CTBP2: variants seen among roughly 807,000 people sequenced by gnomAD.
CTBP2 encodes C-terminal-binding protein 2.
CTBP2 carries 30 observed loss-of-function variants against 80.3 expected under a neutral mutation model. That is an observed-to-expected ratio of 0.37 (90% confidence interval 0.28 to 0.51). CTBP2 has a LOEUF of 0.51. CTBP2 is among the 20% of genes least tolerant of loss of function. The probability of loss-of-function intolerance (pLI) is 0.93; values close to 1 mark genes in which losing one functional copy is unlikely to be tolerated. For missense variants in CTBP2, 1,212 were observed against 1,375.3 expected, an observed-to-expected ratio of 0.88 and a Z score of 1.88; for synonymous variants, 594 against 587.4, an observed-to-expected ratio of 1.01 and a Z score of -0.16.
chr10:125,026,331 TGGGGCCTGGGTGAAGGGGGTTTGA>T lies in CTBP2; in HGVS notation c.1405_1428del (p.Ser469_Pro476del), dbSNP rs796201026. On this transcript the variant is annotated inframe_deletion, in exon 1 of 9. Coordinates refer to ENST00000309035, the MANE Select transcript of CTBP2 (RefSeq NM_022802.3). ...GTGTATGCCGTGGAGTAGGCTGTTC[TGGGGCCTGGGTGAAGGGGGTTTGA>T]GGGGCCCGGGTTAGTCAAGGCCACC... 7 of 1,613,858 alleles carry T rather than the reference TGGGGCCTGGGTGAAGGGGGTTTGA, an allele frequency of 4.3e-6. No homozygotes were observed. In the African/African-American group the frequency reaches 9.3e-5, roughly 22 times the overall value.
chr10:124,999,980 TAGG>T (rs1954223683), intron 3 of CTBP2: 1 of 152,226 alleles, frequency 6.6e-6, no homozygotes, highest in Non-Finnish European at 1.5e-5. Flanking sequence ...CACCTCCTCC[TAGG>T]AGATGAGCTG....
chr10:125,145,480 G>A (rs1858593344), intron 1 of CTBP2, among the ~76,000 whole-genome samples: 1 of 152,180 alleles, frequency 6.6e-6, no homozygotes, highest in Non-Finnish European at 1.5e-5. Flanking sequence ...AAAGGTATCT[G>A]CTGTCCCTTG....
intron 2 of CTBP2, among the ~76,000 whole-genome samples, chr10:125,045,991 T>C (rs1446793285): frequency 6.6e-6 from 1 of 152,056 alleles, no homozygotes; most frequent in Non-Finnish European, 1.5e-5. Context: ...GAAACCCAGC[T>C]GTAGCCAACA....
intron 2 of CTBP2, among the ~76,000 whole-genome samples, chr10:125,041,055 G>A (rs1192210624): frequency 6.6e-6 from 1 of 152,182 alleles, no homozygotes; most frequent in Non-Finnish European, 1.5e-5. Context: ...CCATGTGGAC[G>A]TATTTTAAAA....
At chr10:125,017,136 C>T (rs1231848870) in intron 1 of CTBP2, among the ~76,000 whole-genome samples, 1 of 152,196 alleles carries the variant, frequency 6.6e-6, no homozygotes, top group Non-Finnish European at 1.5e-5. Context: ...CTGACTGTAT[C>T]CAGCCAAAGT....
intron 2 of CTBP2, among the ~76,000 whole-genome samples, chr10:125,082,879 G>A (rs1847390891): frequency 6.6e-6 from 1 of 152,168 alleles, no homozygotes; most frequent in Admixed American, 6.5e-5. Context: ...GTGAGCCCCT[G>A]CACCCAGCCT....
chr10:125,105,166 G>T (rs970385770), intron 2 of CTBP2, among the ~76,000 whole-genome samples: 1 of 151,890 alleles, frequency 6.6e-6, no homozygotes, highest in Non-Finnish European at 1.5e-5. Flanking sequence ...ACATTTTCTG[G>T]AGATGGGGTC....
At chr10:125,012,922 A>G (rs893410576) in intron 1 of CTBP2, among the ~76,000 whole-genome samples, 1 of 152,210 alleles carries the variant, frequency 6.6e-6, no homozygotes, top group Non-Finnish European at 1.5e-5. Flanking sequence ...GGGCTCCCAT[A>G]TGACTATCTG....
At chr10:125,009,968 G>A (rs902251383) in intron 1 of CTBP2, among the ~76,000 whole-genome samples, 1 of 152,164 alleles carries the variant, frequency 6.6e-6, no homozygotes, top group African/African-American at 2.4e-5. Context: ...AACAACAAAT[G>A]TTCTGCAGTT....
intron 2 of CTBP2, among the ~76,000 whole-genome samples, chr10:125,057,213 G>C (rs1433875818): frequency 6.6e-6 from 1 of 152,222 alleles, no homozygotes; most frequent in Non-Finnish European, 1.5e-5. Context: ...TGAGGTCAGC[G>C]AGTAGAGAGG....
chr10:124,993,232 C>A lies in CTBP2; in HGVS notation c.2629G>T (p.Ala877Ser). Residue 877 changes from alanine (A) to serine (S), a missense_variant, in exon 7 of 9, where the codon GCT (alanine) becomes TCT (serine). Ala to Ser is a moderately conservative substitution (Grantham distance 99). Around this residue, in one of 3 missense-constraint regions of CTBP2, gnomAD observed 335 missense variants for 504.7 expected, o/e 0.66. Coordinates refer to ENST00000309035, the MANE Select transcript of CTBP2 (RefSeq NM_022802.3). The stretch of plus-strand genomic sequence containing the variant: ...ATGGCTCGGCGGATCTCGGTGGCAG[C>A]TGCCTCCCTCATCTCCAGTGACGCC... The A allele has an allele frequency of 1.2e-6, 2 of 1,601,324 alleles. No individual in the cohort carries two copies. The highest frequency in any genetic ancestry group is 2.7e-5 in the African/African-American group (2 of 74,848).
chr10:125,056,202 A>G (rs576525142), intron 2 of CTBP2, among the ~76,000 whole-genome samples: 3 of 150,366 alleles, frequency 2.0e-5, no homozygotes, highest in Admixed American at 6.6e-5. Context: ...AATAGTAATA[A>G]TAATAATAAT....
intron 1 of CTBP2, among the ~76,000 whole-genome samples, chr10:125,007,320 G>A (rs1484839476): frequency 1.3e-5 from 2 of 152,266 alleles, no homozygotes; most frequent in African/African-American, 2.4e-5. Context: ...GGGATGTGCT[G>A]TGCACCAGCT....
At chr10:125,137,555 C>T (rs905409205) in intron 1 of CTBP2, among the ~76,000 whole-genome samples, 2 of 152,208 alleles carry the variant, frequency 1.3e-5, no homozygotes, top group Non-Finnish European at 2.9e-5. Flanking sequence ...TTTCCTGAAA[C>T]ACACTAGGCT....
rs530526209 is a variant in CTBP2 at position 125,046,069 on chromosome 10, T to TA, written c.-101-6915dup. Among the ~76,000 whole-genome samples the TA allele has an allele frequency of 2.2e-4, 33 of 149,768 alleles. No individual in the cohort carries two copies. In the Middle Eastern group the frequency reaches 0.01, roughly 47 times the overall value. ...TACAGAATTCACAAGTGCTTGGGTT[T>TA]AAAAAAAAAATACATGGCTTCCACA... On this transcript the variant is annotated intron_variant, in intron 2 of 10. Coordinates refer to the CTBP2 transcript ENST00000337195.
At chr10:125,049,041 CCACAGACACACACACACACACA>C (rs763499643) in intron 2 of CTBP2, among the ~76,000 whole-genome samples, 10,742 of 112,364 alleles carry the variant, frequency 0.096, 440 homozygotes, top group South Asian at 0.2. Context: ...GCCCGCCTGA[CCACAGACACACACACACACACA>C]CACACACACA....
At chr10:125,032,050 A>C (rs75807015), upstream of CTBP2, among the ~76,000 whole-genome samples, 560 of 152,026 alleles carry the variant, frequency 3.7e-3, 5 homozygotes, top group African/African-American at 0.013. Flanking sequence ...ATGGGGTTTC[A>C]AAAGAAAAAA....
At chr10:125,106,556 A>G (rs1851489095) in intron 2 of CTBP2, among the ~76,000 whole-genome samples, 1 of 152,186 alleles carries the variant, frequency 6.6e-6, no homozygotes, top group Admixed American at 6.5e-5. Flanking sequence ...ACGGAAAGAG[A>G]AGCGGACACC....
At chr10:125,064,143 G>A (rs1490608056) in intron 2 of CTBP2, among the ~76,000 whole-genome samples, 2 of 152,234 alleles carry the variant, frequency 1.3e-5, no homozygotes, top group Admixed American at 6.5e-5. Context: ...GTGGAAGACA[G>A]TTAGATGGTG....
Sources: gnomAD v4.1 joint callset for allele counts (sites outside exome capture counted in the v4.1 genomes callset) on GRCh38, gnomAD v4.1.1 for gene constraint, gnomAD v4.1.1 regional missense constraint, MANE v1.5 for transcripts, NCBI Gene and HGNC (gene_info 2026-07-23, HGNC 2026-07-21) for gene names.